The following ABCA2 variants were observed in gnomAD, a reference collection of about 807,000 sequenced individuals.
ABCA2 encodes ATP binding cassette subfamily A member 2, also known as ATP-binding cassette sub-family A member 2.
A neutral mutation model predicts 262.8 loss-of-function variants in ABCA2; 84 were observed. That is an observed-to-expected ratio of 0.32 (90% confidence interval 0.27 to 0.38). The LOEUF is 0.38. ABCA2 is among the 10% of genes least tolerant of loss of function. ABCA2 has a pLI of 1.00. For synonymous variants in ABCA2, 1,696 were observed against 1,502.9 expected (o/e 1.13, Z -2.97); for missense variants, 2,662 against 3,405.9 (o/e 0.78, Z 5.44).
intron 1 of ABCA2, among the ~76,000 whole-genome samples, chr9:137,024,440 G>A (rs577515309): frequency 6.6e-6 from 1 of 152,324 alleles, no homozygotes; most frequent in Admixed American, 6.5e-5. Flanking sequence ...CAGCAAATCA[G>A]GTTTCCCGTC....
chr9:137,010,363 C>A lies in ABCA2; in HGVS notation c.6183G>T (p.Lys2061Asn). 6.4e-7 allele frequency: 1 copy of A among 1,569,920 alleles called. No homozygotes were observed. Among genetic ancestry groups the A allele is most frequent in the South Asian group, 1.2e-5 (1 of 85,658 alleles). The part of the protein sequence containing the change: ...VKIENLTKVY[K>N]SRKIGRILAV... ...CCAGGATACGGCCAATCTTCCGGGA[C>A]TTGTAGACCTGGCCAGGAGCCTGCC... Residue 2061 changes from lysine to asparagine, a missense_variant, in exon 41 of 49, where the codon AAG becomes AAT. This residue lies in a region of ABCA2 where 602 missense variants were observed against 897.4 expected (regional missense o/e 0.67). Coordinates refer to ENST00000341511, the MANE Select transcript of ABCA2 (RefSeq NM_001606.5).
chr9:137,023,950 A>T (rs1386687091), intron 2 of ABCA2, 110 bp from the exon 3 acceptor site: 1 of 1,456,380 alleles, frequency 6.9e-7, no homozygotes, highest in Admixed American at 2.0e-5. Flanking sequence ...TGGCATCATC[A>T]TTCGCGGCCA....
intron 3 of ABCA2, chr9:137,023,564 C>T: frequency 4.0e-6 from 3 of 750,784 alleles, no homozygotes; most frequent in Non-Finnish European, 7.3e-6. Flanking sequence ...GAAGCCGAGG[C>T]ACCCCAGCCC....
rs757331261 is a variant in ABCA2, at chr9:137,020,477, C to T, written c.1284G>A (p.Ala428=). ...CGNNRTIEPE[A]LRRGNMSSLG... is the part of the protein sequence containing the mutation. The stretch of plus-strand genomic sequence containing the variant: ...GGGAGCTCATGTTGCCCCGCCGCAG[C>T]GCCTCGGGTTCAATGGTGCTGGGGT... Residue 428 remains alanine (A), a synonymous_variant, in exon 10 of 49, where the codon GCG becomes GCA. Coordinates refer to ENST00000341511, the MANE Select transcript of ABCA2 (RefSeq NM_001606.5). 1.9e-5 allele frequency: 30 copies of T among 1,601,514 alleles called. No homozygotes were observed. The highest frequency in any genetic ancestry group is 9.4e-5 in the African/African-American group (7 of 74,812).
Position 137,014,307 on chromosome 9 carries a change from G to A in ABCA2, c.4101C>T (p.Thr1367=), listed in dbSNP as rs572175997. The A allele has an allele frequency of 6.2e-5, 100 of 1,610,482 alleles. 2 individuals are homozygous for A. The South Asian group carries it at 1.0e-3, about 17-fold the overall frequency. The change falls in exon 27 of 49, where the codon ACC becomes ACT. Residue 1367 remains threonine (T), a synonymous_variant. Transcript: ENST00000341511. ...AGNLARCSEL[T]QSQASLQSAS... is the part of the protein sequence containing the mutation. ...CCGACTGCAGCGATGCCTGCGACTG[G>A]GTCAGCTCCGAGCACCGGGCCAGAT...
Position 137,022,773 on chromosome 9 carries a change from G to T in ABCA2, c.368C>A (p.Ala123Asp). Residue 123 changes from alanine to aspartate, a missense_variant, in exon 5 of 49, where the codon GCC becomes GAC. This residue lies in a region of ABCA2 where 403 missense variants were observed against 375.9 expected (regional missense o/e 1.07). Coordinates refer to ENST00000341511, the MANE Select transcript of ABCA2 (RefSeq NM_001606.5). ...GAGGGCCTCCAGATGCTGGCGTAGG[G>T]CCTCGAGCTCTGAGCCCAGGCTGGG... is the stretch of plus-strand genomic sequence containing the variant. Reference protein sequence around the residue: ...ARPSLGSELEALRQHLEALSA... With the variant: ...ARPSLGSELEDLRQHLEALSA... 1 of 1,601,422 alleles carries T rather than the reference G, an allele frequency of 6.2e-7. No homozygotes were observed.
At chr9:137,008,041 C>T (rs1280204720) in intron 48 of ABCA2, 77 bp from the exon 49 acceptor site, 24 of 1,533,484 alleles carry the variant, frequency 1.6e-5, no homozygotes, top group Non-Finnish European at 2.0e-5. Flanking sequence ...TGTGCTGGCC[C>T]GCCCCGGCCC....
chr9:137,020,238 T>G, intron 10 of ABCA2, 98 bp downstream of exon 10: 1 of 1,526,670 alleles, frequency 6.6e-7, no homozygotes, highest in Non-Finnish European at 8.9e-7. Context: ...ACCCCTCCCG[T>G]GTCAATTCTG....
chr9:137,025,115 G>C (rs1350497266), intron 1 of ABCA2, among the ~76,000 whole-genome samples: 3 of 152,188 alleles, frequency 2.0e-5, no homozygotes, highest in Non-Finnish European at 4.4e-5. Flanking sequence ...CTGACCCGGG[G>C]CAGCCAGTCT....
intron 9 of ABCA2, 68 bp from the exon 10 acceptor site, chr9:137,020,563 C>A (rs1440360027): frequency 1.3e-6 from 2 of 1,542,636 alleles, no homozygotes; most frequent in Non-Finnish European, 1.7e-6. Context: ...GGAGGGGCAT[C>A]GGGATGGGGC....
In ABCA2 at chr9:137,015,000, G is replaced by A. The variant is rs1204355588; in HGVS notation, c.3795C>T (p.Cys1265=). ...CCGTGCTTGTGTCTGAGACCAGCAG[G>A]CAGGAGGCCACATGCTTGCGGATGA... ...SQFIRKHVAS[C]LLVSDTSTEL... The change falls in exon 25 of 49, where the codon TGC becomes TGT. Residue 1265 remains cysteine (C), a synonymous_variant. Transcript: ENST00000341511. 1 of 1,599,080 alleles carries A rather than the reference G, an allele frequency of 6.3e-7. No individual in the cohort carries two copies. Among genetic ancestry groups the A allele is most frequent in the Middle Eastern group, 1.7e-4 (1 of 5,974 alleles).
At chr9:137,012,411 A>T (rs1831087270) in intron 32 of ABCA2, 35 bp from the exon 33 acceptor site, 1 of 1,603,830 alleles carries the variant, frequency 6.2e-7, no homozygotes, top group Non-Finnish European at 8.5e-7. Context: ...AGGCCCCAGG[A>T]CCTCAGACCT....
At position 137,015,959 on chromosome 9, in the gene ABCA2, C is replaced by G; in HGVS notation, c.3317+3G>C. The G allele has an allele frequency of 2.6e-6, 3 of 1,151,378 alleles. No individual in the cohort carries two copies. The highest frequency in any genetic ancestry group is 3.9e-6 in the Non-Finnish European group (3 of 767,752). The allele number at this position is 1,151,378 out of a possible 1,614,324, so 71.3% of individuals were successfully genotyped here. A position where few individuals can be genotyped will look rare whatever the true frequency, so the allele number is the denominator to read the frequency against. On this transcript the variant is annotated splice_donor_region_variant and intron_variant, in intron 22 of 48. Transcript: ENST00000341511. Reference sequence around the variant, plus strand: ...TGCCCCGCCCCCCGCCCAGCCCACCCACTTGTCCATCTCTCTGCGGATCTC... The same window carrying G: ...TGCCCCGCCCCCCGCCCAGCCCACCGACTTGTCCATCTCTCTGCGGATCTC...
chr9:137,014,878 C>T (rs371939212), intron 25 of ABCA2, 35 bp downstream of exon 25: 2 of 1,577,418 alleles, frequency 1.3e-6, no homozygotes, highest in East Asian at 4.6e-5. Flanking sequence ...ACCTCCACCA[C>T]CTGCAACTGC....
At chr9:137,013,375 GC>G in intron 29 of ABCA2, 57 bp from the exon 30 acceptor site, 2 of 1,328,946 alleles carry the variant, frequency 1.5e-6, no homozygotes, top group Admixed American at 2.3e-5. Flanking sequence ...CGCCAGCCCC[GC>G]CCCCTCGCCC....
chr9:137,008,287 C>A (rs762289641), intron 48 of ABCA2, 129 bp downstream of exon 48: 1 of 1,091,480 alleles, frequency 9.2e-7, no homozygotes, highest in East Asian at 2.6e-5. Context: ...GCCCACTCTG[C>A]CCCCTTGACC....
rs546402350 is a variant in ABCA2 at position 137,016,139 on chromosome 9, C to T, written c.3140G>A (p.Gly1047Asp). 6.2e-7 allele frequency: 1 copy of T among 1,612,824 alleles called. No homozygotes were observed. The highest frequency in any genetic ancestry group is 2.2e-5 in the East Asian group (1 of 44,880). ...GTCGTGCCCGTAGATGGTGGCGGAA[C>T]CCGACGTTGGAGGGAACAGGCCGGT... is the stretch of plus-strand genomic sequence containing the variant. ...ILTGLFPPTS[G>D]SATIYGHDIR... is the part of the protein sequence containing the mutation. Residue 1047 changes from glycine (G) to aspartate (D), a missense_variant, in exon 22 of 49, where the codon GGT (glycine) becomes GAT (aspartate). Around this residue, in one of 12 missense-constraint regions of ABCA2, gnomAD observed 180 missense variants for 307.3 expected, o/e 0.59. Transcript: ENST00000341511.
At chr9:137,010,164 GCCCCGC>G in intron 41 of ABCA2, 23 bp downstream of exon 41, 1 of 1,593,044 alleles carries the variant, frequency 6.3e-7, no homozygotes. Flanking sequence ...GGACGCGGCG[GCCCCGC>G]CCACCCAGGG....
Position 137,007,753 on chromosome 9 carries a change from G to T in ABCA2, c.*176C>A. 3 of 850,266 alleles carry T rather than the reference G, an allele frequency of 3.5e-6. No homozygotes were observed. Among genetic ancestry groups the T allele is most frequent in the Non-Finnish European group, 5.5e-6 (3 of 543,198 alleles). The allele number at this position is 850,266 out of a possible 1,614,324, so 52.7% of individuals were successfully genotyped here. ...TTTGGCACAATTAGGGGCGGCAACC[G>T]CAGTGACCACAGGGCATGGCCGAGT... is the stretch of plus-strand genomic sequence containing the variant. On this transcript the variant is annotated 3_prime_UTR_variant, in exon 49 of 49. Coordinates refer to ENST00000341511, the MANE Select transcript of ABCA2 (RefSeq NM_001606.5).
Sources: allele counts gnomAD v4.1 joint callset (sites outside exome capture counted in the v4.1 genomes callset), GRCh38; gene constraint gnomAD v4.1.1; regional missense constraint gnomAD v4.1.1; transcripts MANE v1.5; gene names NCBI Gene and HGNC (gene_info 2026-07-23, HGNC 2026-07-21).